GRID2: variants seen among roughly 807,000 people sequenced by gnomAD.
GRID2 encodes glutamate receptor ionotropic, delta-2.
A neutral mutation model predicts 114.8 loss-of-function variants in GRID2; 33 were observed. That is an observed-to-expected ratio of 0.29 (90% CI 0.22 to 0.38). The LOEUF (loss-of-function observed/expected upper bound fraction) is 0.38, where lower values mean the gene tolerates loss of function less well. Among genes scored for constraint, GRID2 ranks in the 10% least tolerant of loss-of-function variants. The pLI, the probability that GRID2 is intolerant of heterozygous loss-of-function variation, is 1.00. For synonymous variants in GRID2, 505 were observed against 449.9 expected, an observed-to-expected ratio of 1.12 and a Z score of -1.55; for missense variants, 1,184 against 1,257.7, an observed-to-expected ratio of 0.94 and a Z score of 0.89.
At chr4:92,712,339 T>C (rs958655952) in intron 2 of GRID2, among the ~76,000 whole-genome samples, 1 of 152,138 alleles carries the variant, frequency 6.6e-6, no homozygotes, top group African/African-American at 2.4e-5. Flanking sequence ...GTGAACAATT[T>C]TTTAAAAAAT....
intron 4 of GRID2, among the ~76,000 whole-genome samples, chr4:93,126,484 C>T (rs1734268959): frequency 6.6e-6 from 1 of 150,586 alleles, no homozygotes; most frequent in Non-Finnish European, 1.5e-5. Context: ...ACATGTTTAG[C>T]AGCATCTGCC....
intron 2 of GRID2, among the ~76,000 whole-genome samples, chr4:92,611,068 GTA>G (rs748452550): frequency 7.1e-4 from 96 of 135,612 alleles, no homozygotes; most frequent in East Asian, 1.9e-3. Flanking sequence ...ATGTGTGTGT[GTA>G]TATATATATG....
chr4:93,046,118 G>A (rs1455211813), intron 2 of GRID2, among the ~76,000 whole-genome samples: 5 of 152,000 alleles, frequency 3.3e-5, no homozygotes, highest in South Asian at 2.1e-4. Flanking sequence ...TTGAATCCAG[G>A]TAATAAACAT....
chr4:92,564,508 T>A (rs958648140), intron 1 of GRID2, among the ~76,000 whole-genome samples: 9 of 152,006 alleles, frequency 5.9e-5, no homozygotes, highest in African/African-American at 1.9e-4. Flanking sequence ...AAATTCATGA[T>A]AATATAAAGC....
intron 14 of GRID2, among the ~76,000 whole-genome samples, chr4:93,761,717 A>G (rs1451568994): frequency 6.6e-6 from 1 of 152,206 alleles, no homozygotes; most frequent in Non-Finnish European, 1.5e-5. Context: ...TAAAAGTTCA[A>G]TTTAAACAAA....
intron 2 of GRID2, among the ~76,000 whole-genome samples, chr4:92,704,762 T>C (rs1160956797): frequency 6.9e-6 from 1 of 144,840 alleles, no homozygotes; most frequent in Non-Finnish European, 1.5e-5. Context: ...TCTCTCCCTC[T>C]CTGCCCCTCC....
intron 12 of GRID2, among the ~76,000 whole-genome samples, chr4:93,498,214 T>C (rs1476202105): frequency 2.0e-5 from 3 of 151,752 alleles, no homozygotes; most frequent in Non-Finnish European, 2.9e-5. Flanking sequence ...TGCCAGCAGG[T>C]TGAGAGTCTG....
intron 14 of GRID2, among the ~76,000 whole-genome samples, chr4:93,707,305 A>G (rs1260896454): frequency 6.6e-6 from 1 of 152,064 alleles, no homozygotes; most frequent in Non-Finnish European, 1.5e-5. Context: ...GTGTTTGATA[A>G]AATTCAGCTG....
At chr4:93,301,045 T>C (rs1754821968) in intron 8 of GRID2, among the ~76,000 whole-genome samples, 1 of 152,244 alleles carries the variant, frequency 6.6e-6, no homozygotes, top group Non-Finnish European at 1.5e-5. Flanking sequence ...GACACCGGGC[T>C]GCCTGTCTTT....
rs550272827 is a variant in GRID2 at position 92,910,215 on chromosome 4, T to TA, written c.245-174769dup. Among the ~76,000 whole-genome samples the TA allele has an allele frequency of 2.5e-4, 36 of 141,938 alleles. 1 individual carries two copies. The Middle Eastern group carries it at 0.014, about 55-fold the overall frequency. 93.1% of individuals were successfully genotyped at this position (141,938 alleles called of 152,430 possible). The stretch of plus-strand genomic sequence containing the variant: ...AGGAGTGGTTTGAAAAAAATAAAAA[T>TA]AAAAAAAAAAAGTAAATGCTCAGGA... On this transcript the variant is annotated intron_variant, in intron 2 of 15. Coordinates refer to ENST00000282020, the MANE Select transcript of GRID2 (RefSeq NM_001510.4).
intron 14 of GRID2, among the ~76,000 whole-genome samples, chr4:93,648,947 T>C (rs1014558370): frequency 1.3e-5 from 2 of 152,196 alleles, no homozygotes; most frequent in Non-Finnish European, 2.9e-5. Flanking sequence ...AGAATGATTA[T>C]TGTGCCTGTC....
At chr4:93,454,290 G>A (rs1042933971) in intron 10 of GRID2, among the ~76,000 whole-genome samples, 1 of 151,894 alleles carries the variant, frequency 6.6e-6, no homozygotes, top group African/African-American at 2.4e-5. Flanking sequence ...CCTACTATAT[G>A]GTTCATTTGG....
At chr4:92,917,118 G>A (rs1306368511) in intron 2 of GRID2, among the ~76,000 whole-genome samples, 1 of 152,180 alleles carries the variant, frequency 6.6e-6, no homozygotes, top group Non-Finnish European at 1.5e-5. Flanking sequence ...CAGTGATGAT[G>A]AGCATTTTTT....
intron 5 of GRID2, among the ~76,000 whole-genome samples, chr4:93,212,258 T>A (rs1253100297): frequency 6.6e-6 from 1 of 152,188 alleles, no homozygotes; most frequent in Non-Finnish European, 1.5e-5. Flanking sequence ...TCTTATTGCA[T>A]CAATAGTTTT....
chr4:93,667,507 T>C (rs1397336002), intron 14 of GRID2, among the ~76,000 whole-genome samples: 2 of 151,892 alleles, frequency 1.3e-5, no homozygotes, highest in Non-Finnish European at 2.9e-5. Context: ...CCATGAAGTG[T>C]CATTGATGGG....
chr4:93,722,193 G>A (rs1395800777), intron 14 of GRID2, among the ~76,000 whole-genome samples: 1 of 152,016 alleles, frequency 6.6e-6, no homozygotes, highest in Non-Finnish European at 1.5e-5. Context: ...TAGGATTACA[G>A]GCATGAGCCA....
At chr4:93,062,331 A>G (rs1051435067) in intron 2 of GRID2, among the ~76,000 whole-genome samples, 19 of 152,214 alleles carry the variant, frequency 1.2e-4, no homozygotes, top group South Asian at 6.2e-4. Context: ...TCAAAATAAG[A>G]TGGAGAATGA....
At chr4:93,706,571 C>T (rs1036925953) in intron 14 of GRID2, among the ~76,000 whole-genome samples, 1 of 152,122 alleles carries the variant, frequency 6.6e-6, no homozygotes. Context: ...ATTTTGTATC[C>T]TGCAACTTTA....
chr4:93,291,563 A>C (rs1183224416), intron 8 of GRID2, among the ~76,000 whole-genome samples: 1 of 152,232 alleles, frequency 6.6e-6, no homozygotes, highest in Non-Finnish European at 1.5e-5. Flanking sequence ...GTGGCAACTA[A>C]GATAAACTAC....
Sources: allele counts gnomAD v4.1 joint callset (sites outside exome capture counted in the v4.1 genomes callset), GRCh38; gene constraint gnomAD v4.1.1; transcripts MANE v1.5; gene names NCBI Gene and HGNC (gene_info 2026-07-23, HGNC 2026-07-21).